Variants in EPHA5 observed in about 807,000 individuals in gnomAD.
EPHA5 encodes ephrin type-A receptor 5.
EPHA5 carries 60 observed loss-of-function variants against 105.0 expected under a neutral mutation model. That is an observed-to-expected ratio of 0.57 (90% CI 0.46 to 0.71). The LOEUF (loss-of-function observed/expected upper bound fraction) is 0.71, where lower values mean the gene tolerates loss of function less well. EPHA5 is among the 30% of genes least tolerant of loss of function. EPHA5 has a pLI of 0.00. For synonymous variants in EPHA5, 513 were observed against 449.1 expected, an observed-to-expected ratio of 1.14 and a Z score of -1.80; for missense variants, 1,218 against 1,274.7, an observed-to-expected ratio of 0.96 and a Z score of 0.68.
intron 3 of EPHA5, among the ~76,000 whole-genome samples, chr4:65,515,953 A>C (rs1282379093): frequency 6.6e-6 from 1 of 152,160 alleles, no homozygotes; most frequent in Non-Finnish European, 1.5e-5. Context: ...GCCCTTGGAC[A>C]TCAGAGCTCT....
intron 5 of EPHA5, among the ~76,000 whole-genome samples, chr4:65,455,075 T>C (rs986587844): frequency 9.2e-5 from 14 of 151,908 alleles, no homozygotes; most frequent in Middle Eastern, 3.4e-3. Flanking sequence ...CTACTAAAAA[T>C]ACAAAAAATT....
At chr4:65,509,583 C>G (rs1733399437) in intron 3 of EPHA5, among the ~76,000 whole-genome samples, 1 of 152,042 alleles carries the variant, frequency 6.6e-6, no homozygotes, top group Non-Finnish European at 1.5e-5. Flanking sequence ...ATATCTTAAC[C>G]CATATTAGAC....
chr4:65,393,499 C>T (rs1578001429), intron 8 of EPHA5, among the ~76,000 whole-genome samples: 3 of 152,192 alleles, frequency 2.0e-5, no homozygotes, highest in Non-Finnish European at 2.9e-5. Flanking sequence ...ATGGGCCTCT[C>T]CTTCTTAGCT....
chr4:65,510,687 C>T, intron 3 of EPHA5, among the ~76,000 whole-genome samples: 1 of 152,284 alleles, frequency 6.6e-6, no homozygotes, highest in Admixed American at 6.5e-5. Context: ...ATTGATTTGG[C>T]AATGGTCATT....
chr4:65,421,741 G>A (rs1219177715), intron 5 of EPHA5, among the ~76,000 whole-genome samples: 1 of 152,074 alleles, frequency 6.6e-6, no homozygotes, highest in Non-Finnish European at 1.5e-5. Context: ...CATGAAGGCA[G>A]GAATTGATTT....
At chr4:65,416,736 T>A (rs1269676245) in intron 6 of EPHA5, among the ~76,000 whole-genome samples, 1 of 152,190 alleles carries the variant, frequency 6.6e-6, no homozygotes, top group Non-Finnish European at 1.5e-5. Context: ...AGAGTTTAAT[T>A]GTACATTGGC....
Position 65,320,441 on chromosome 4 carries a change from C to CT in EPHA5, c.*3672dup, listed in dbSNP as rs11376233. On this transcript the variant is annotated 3_prime_UTR_variant, in exon 17 of 17. Transcript: ENST00000613740. Reference sequence around the variant, plus strand: ...GCAAAGACAGTTTACTATCACACTTCTTTTTTTTCTTATTTTTAGGAAAAA... The same window carrying CT: ...GCAAAGACAGTTTACTATCACACTTCTTTTTTTTTCTTATTTTTAGGAAAAA... 2,809 of 229,094 alleles carry CT rather than the reference C, an allele frequency of 0.012. 77 individuals carry two copies. Among genetic ancestry groups the CT allele is most frequent in the African/African-American group, 0.058 (2,606 of 45,058 alleles). The allele number at this position is 229,094 out of a possible 1,614,324, so 14.2% of individuals were successfully genotyped here.
At chr4:65,358,085 T>C (rs150337163) in intron 11 of EPHA5, among the ~76,000 whole-genome samples, 105 of 151,550 alleles carry the variant, frequency 6.9e-4, no homozygotes, top group African/African-American at 2.4e-3. Context: ...TAAAATAGCA[T>C]TCCCCAATCA....
intron 8 of EPHA5, among the ~76,000 whole-genome samples, chr4:65,391,909 G>A (rs891421971): frequency 6.6e-6 from 1 of 152,080 alleles, no homozygotes; most frequent in Non-Finnish European, 1.5e-5. Context: ...ATATTAACTT[G>A]TTGTTTCCAG....
chr4:65,370,911 A>G (rs1718400416), intron 8 of EPHA5, among the ~76,000 whole-genome samples: 1 of 152,146 alleles, frequency 6.6e-6, no homozygotes. Flanking sequence ...TGCAGCTAGC[A>G]GAGACTGGTA....
At chr4:65,421,166 G>A (rs962762477) in intron 5 of EPHA5, among the ~76,000 whole-genome samples, 8 of 151,934 alleles carry the variant, frequency 5.3e-5, no homozygotes, top group African/African-American at 1.9e-4. Flanking sequence ...CACTTCTGGT[G>A]ATCATCACAA....
In EPHA5 at chr4:65,351,801, T is replaced by A. The variant is rs112229603; in HGVS notation, c.2236-203A>T. ...TTTTCCTCTGCTTGGTCAAAGCAGA[T>A]AAAGGTTTTGAAAACCCTGGCCAAA... is the stretch of plus-strand genomic sequence containing the variant. On this transcript the variant is annotated intron_variant, in intron 12 of 16. Coordinates refer to ENST00000613740, the MANE Select transcript of EPHA5 (RefSeq NM_001281766.3). 3.0e-4 allele frequency among the ~76,000 whole-genome samples: 46 copies of A among 152,136 alleles called. 1 individual carries two copies. The highest frequency in any genetic ancestry group is 1.1e-3 in the African/African-American group (45 of 41,542).
intron 5 of EPHA5, among the ~76,000 whole-genome samples, chr4:65,428,620 C>T (rs570421195): frequency 5.9e-5 from 9 of 152,038 alleles, no homozygotes; most frequent in Admixed American, 2.0e-4. Context: ...TCTAGAGAGA[C>T]GGTATCTGTT....
intron 1 of EPHA5, among the ~76,000 whole-genome samples, chr4:65,665,735 C>A (rs929179564): frequency 6.6e-6 from 1 of 152,110 alleles, no homozygotes; most frequent in South Asian, 2.1e-4. Context: ...TTACCTGTCA[C>A]CCTAACACCC....
At chr4:65,507,762 T>TG (rs1264754767) in intron 3 of EPHA5, among the ~76,000 whole-genome samples, 1 of 152,010 alleles carries the variant, frequency 6.6e-6, no homozygotes, top group Non-Finnish European at 1.5e-5. Flanking sequence ...AAGGAGATTT[T>TG]GGCTGAGATG....
rs376750416 is a variant in EPHA5, at chr4:65,358,394, T to G, written c.2174-5291A>C. Among the ~76,000 whole-genome samples, 9 of 151,608 alleles carry G rather than the reference T, an allele frequency of 5.9e-5. No individual in the cohort carries two copies. The East Asian group carries it at 1.7e-3, about 29-fold the overall frequency. On this transcript the variant is annotated intron_variant, in intron 11 of 16. Transcript: ENST00000613740. ...TTGTAAATGATTAAAAGTAAGCCTC[T>G]GCTTATAGACCTATAGTATGATTTC...
At chr4:65,651,189 G>A (rs537083397) in intron 1 of EPHA5, among the ~76,000 whole-genome samples, 1 of 152,264 alleles carries the variant, frequency 6.6e-6, no homozygotes, top group East Asian at 1.9e-4. Context: ...GAATCAGCAG[G>A]GGAGCAAAGC....
At chr4:65,339,420 C>A (rs1312974216) in intron 14 of EPHA5, among the ~76,000 whole-genome samples, 1 of 151,986 alleles carries the variant, frequency 6.6e-6, no homozygotes, top group Non-Finnish European at 1.5e-5. Context: ...ATAGTTAAGT[C>A]CTCACTTAAT....
chr4:65,470,433 C>A (rs1232569728), intron 5 of EPHA5, among the ~76,000 whole-genome samples: 1 of 152,110 alleles, frequency 6.6e-6, no homozygotes, highest in Non-Finnish European at 1.5e-5. Context: ...CTCAAGTGAT[C>A]CATCTGCCTC....
Sources: allele counts gnomAD v4.1 joint callset (sites outside exome capture counted in the v4.1 genomes callset), GRCh38; gene constraint gnomAD v4.1.1; transcripts MANE v1.5; gene names NCBI Gene and HGNC (gene_info 2026-07-23, HGNC 2026-07-21).